Variants in SLC47A2 observed in about 807,000 individuals in gnomAD.
The protein encoded by SLC47A2 is solute carrier family 47 member 2, also known as multidrug and toxin extrusion protein 2.
SLC47A2 carries 52 observed loss-of-function variants against 67.7 expected under a neutral mutation model. The ratio of observed to expected loss-of-function variants is 0.77; its 90% CI spans 0.61 to 0.97. The LOEUF is 0.97. Ranked by LOEUF, SLC47A2 falls within the 50% of genes least tolerant of loss-of-function variation. The pLI, the probability that SLC47A2 is intolerant of heterozygous loss-of-function variation, is 0.00. For missense variants in SLC47A2, 676 were observed against 712.3 expected, an observed-to-expected ratio of 0.95 and a Z score of 0.58; for synonymous variants, 278 against 292.9, an observed-to-expected ratio of 0.95 and a Z score of 0.52.
chr17:19,702,758 C>A, intron 12 of SLC47A2, 84 bp from the exon 13 acceptor site: 1 of 1,453,946 alleles, frequency 6.9e-7, no homozygotes, highest in Middle Eastern at 1.7e-4. Context: ...ACCCCACCCC[C>A]ACAAGAAAAA....
Position 19,678,767 on chromosome 17 carries a change from G to A in SLC47A2, c.1620C>T (p.Ile540=), listed in dbSNP as rs754860334. ...TSRLSVKQLV[I]RRGAALGAAS... is the part of the protein sequence containing the mutation. The stretch of plus-strand genomic sequence containing the variant: ...CCGCCCCCAGAGCAGCCCCACGGCG[G>A]ATGACCAGCTGTTTCACTGATAGTC... Residue 540 remains isoleucine (I), a synonymous_variant, in exon 17 of 17, where the codon ATC becomes ATT. Transcript: ENST00000433844. 5 of 1,614,200 alleles carry A rather than the reference G, an allele frequency of 3.1e-6. No homozygotes were observed. The highest frequency in any genetic ancestry group is 4.2e-6 in the Non-Finnish European group (5 of 1,180,046).
At position 19,702,632 on chromosome 17, in the gene SLC47A2, A is replaced by G; in HGVS notation, c.1137T>C (p.Ser379=). Residue 379 remains serine (S), a synonymous_variant, in exon 13 of 17, where the codon AGT becomes AGC. Transcript: ENST00000433844. Reference sequence around the variant, plus strand: ...AGATGGCCTCAAACACGTGAAAGACACTATAAACCGGCAAGACCTGGCTCA... The same window carrying G: ...AGATGGCCTCAAACACGTGAAAGACGCTATAAACCGGCAAGACCTGGCTCA... ...ALVSQVLPVY[S]VFHVFEAICC... is the part of the protein sequence containing the mutation. 1 of 1,614,110 alleles carries G rather than the reference A, an allele frequency of 6.2e-7. No homozygotes were observed. The highest frequency in any genetic ancestry group is 1.7e-5 in the Admixed American group (1 of 60,014).
chr17:19,679,040 G>T, intron 16 of SLC47A2, 134 bp from the exon 17 acceptor site: 1 of 671,056 alleles, frequency 1.5e-6, no homozygotes, highest in Non-Finnish European at 2.6e-6. Flanking sequence ...CTATACAGTA[G>T]AAAAATAACT....
At chr17:19,701,145 G>A (rs1368277835) in intron 13 of SLC47A2, among the ~76,000 whole-genome samples, 2 of 147,172 alleles carry the variant, frequency 1.4e-5, no homozygotes, top group East Asian at 4.0e-4. Context: ...TCCAGCCTGG[G>A]CGACAGAATG....
At chr17:19,678,931 T>C (rs1288781345) in intron 16 of SLC47A2, 25 bp from the exon 17 acceptor site, 6 of 1,549,124 alleles carry the variant, frequency 3.9e-6, no homozygotes, top group Admixed American at 3.9e-5. Flanking sequence ...AGGAGCAAAC[T>C]CAGCAGGTCA....
intron 13 of SLC47A2, among the ~76,000 whole-genome samples, chr17:19,698,513 G>C (rs1488218314): frequency 6.6e-6 from 1 of 152,026 alleles, no homozygotes; most frequent in Non-Finnish European, 1.5e-5. Flanking sequence ...CACCATGCTT[G>C]GCTAATTTTT....
At chr17:19,704,201 ACT>A in intron 10 of SLC47A2, 23 bp from the exon 11 acceptor site, 1 of 1,584,404 alleles carries the variant, frequency 6.3e-7, no homozygotes, top group Non-Finnish European at 8.6e-7. Flanking sequence ...ATAAGAAAGC[ACT>A]GTCAGTGGGC....
At chr17:19,705,612 T>C (rs564159896) in intron 9 of SLC47A2, 109 bp from the exon 10 acceptor site, 3 of 990,908 alleles carry the variant, frequency 3.0e-6, no homozygotes, top group African/African-American at 3.4e-5. Context: ...TTTTTTTTTC[T>C]TCCTTGAGAC....
At chr17:19,693,687 A>T (rs2085594898) in intron 13 of SLC47A2, among the ~76,000 whole-genome samples, 1 of 151,966 alleles carries the variant, frequency 6.6e-6, no homozygotes, top group Admixed American at 6.6e-5. Context: ...AGTCCCAGCT[A>T]CTTGGGAGGC....
chr17:19,708,103 G>A (rs191881296), intron 7 of SLC47A2, among the ~76,000 whole-genome samples, 199 bp downstream of exon 7: 7 of 152,282 alleles, frequency 4.6e-5, no homozygotes, highest in Admixed American at 6.5e-5. Context: ...GGGCAGGAGC[G>A]GGGAGTGGCT....
In SLC47A2 at chr17:19,681,348, G is replaced by C. The variant is rs758939432; in HGVS notation, c.1392+19C>G. The C allele has an allele frequency of 1.3e-6, 2 of 1,577,936 alleles. No homozygotes were observed. Among genetic ancestry groups the C allele is most frequent in the South Asian group, 1.2e-5 (1 of 85,612 alleles). On this transcript the variant is annotated intron_variant, in intron 15 of 16. Transcript: ENST00000433844. ...CAGGTGCAGGGTGTCTTGTGGCCAGGGTCAGCTGACCCACTTACCTCCTCT... is the reference window on the plus strand; with the variant it reads ...CAGGTGCAGGGTGTCTTGTGGCCAGCGTCAGCTGACCCACTTACCTCCTCT...
intron 5 of SLC47A2, among the ~76,000 whole-genome samples, chr17:19,709,583 T>A (rs906626528): frequency 2.6e-5 from 4 of 151,788 alleles, no homozygotes; most frequent in Non-Finnish European, 5.9e-5. Flanking sequence ...ATAATAATAG[T>A]GTGTGTGTGT....
At chr17:19,680,174 C>T (rs867091376) in intron 15 of SLC47A2, 135 bp from the exon 16 acceptor site, 3 of 816,206 alleles carry the variant, frequency 3.7e-6, no homozygotes, top group African/African-American at 3.5e-5. Context: ...AGTCATGGGG[C>T]TTTTAGAAAG....
upstream of SLC47A2, chr17:19,717,826 GGATCCTCCCAGGA>G (rs2086298129): frequency 6.6e-6 from 1 of 152,264 alleles, no homozygotes; most frequent in Non-Finnish European, 1.5e-5. Context: ...ACGCTCCACT[GGATCCTCCCAGGA>G]TCACCTGGGA....
chr17:19,680,110 A>G (rs565770025), intron 15 of SLC47A2, 71 bp from the exon 16 acceptor site: 3 of 1,456,342 alleles, frequency 2.1e-6, no homozygotes, highest in African/African-American at 1.4e-5. Context: ...CTAGCCTCGC[A>G]TTCTCTGTTT....
chr17:19,695,912 T>TG (rs774066927), intron 13 of SLC47A2, among the ~76,000 whole-genome samples: 8 of 151,692 alleles, frequency 5.3e-5, no homozygotes, highest in African/African-American at 1.2e-4. Flanking sequence ...TTAGTAGAGA[T>TG]GGGGGTTTCA....
At chr17:19,683,651 T>C (rs1567615495) in intron 13 of SLC47A2, among the ~76,000 whole-genome samples, 1 of 152,154 alleles carries the variant, frequency 6.6e-6, no homozygotes, top group Non-Finnish European at 1.5e-5. Flanking sequence ...CCTGTCCACA[T>C]GGGCTGAAGA....
intron 13 of SLC47A2, among the ~76,000 whole-genome samples, chr17:19,690,178 G>T (rs2152342628): frequency 6.6e-6 from 1 of 152,264 alleles, no homozygotes; most frequent in Non-Finnish European, 1.5e-5. Context: ...GGAAAGGACA[G>T]TCTCTTCAAT....
rs981092799 is a variant in SLC47A2 at position 19,713,701 on chromosome 17, C to T, written c.443+124G>A. 1.0e-5 allele frequency: 14 copies of T among 1,357,646 alleles called. 1 individual carries two copies. In the Admixed American group the frequency reaches 2.7e-4, roughly 26 times the overall value. The allele number at this position is 1,357,646 out of a possible 1,614,324, so 84.1% of individuals were successfully genotyped here. The stretch of plus-strand genomic sequence containing the variant: ...AAGCCTGGAAGGTACCCACAGGCAC[C>T]GTGCACTGTGAGCACTCGTGGCCTA... On this transcript the variant is annotated intron_variant, in intron 4 of 16. Transcript: ENST00000433844.
Sources: gnomAD v4.1 joint callset for allele counts (sites outside exome capture counted in the v4.1 genomes callset) on GRCh38, gnomAD v4.1.1 for gene constraint, MANE v1.5 for transcripts, NCBI Gene and HGNC (gene_info 2026-07-23, HGNC 2026-07-21) for gene names.